Variants in HIBCH observed in about 807,000 individuals in gnomAD.
The protein encoded by HIBCH is 3-hydroxyisobutyryl-CoA hydrolase, mitochondrial.
HIBCH carries 50 observed loss-of-function variants against 58.2 expected under a neutral mutation model. The ratio of observed to expected loss-of-function variants is 0.86; its 90% confidence interval spans 0.68 to 1.09. HIBCH has a LOEUF of 1.09. Ranked by LOEUF, HIBCH falls within the 50% of genes least tolerant of loss-of-function variation. The pLI is 0.00. For synonymous variants in HIBCH, 151 were observed against 146.9 expected, an observed-to-expected ratio of 1.03 and a Z score of -0.20; for missense variants, 450 against 449.7, an observed-to-expected ratio of 1.00 and a Z score of -0.01.
rs189322802 is a variant in HIBCH at position 190,223,685 on chromosome 2, G to A, written c.892-10610C>T. 3.8e-3 allele frequency among the ~76,000 whole-genome samples: 572 copies of A among 152,350 alleles called. 1 individual carries two copies. The highest frequency in any genetic ancestry group is 0.013 in the African/African-American group (536 of 41,582). On this transcript the variant is annotated intron_variant, in intron 11 of 13. Transcript: ENST00000359678. ...GAATGAGAGCATGGAAAGGGCTATTGCCCTTGGCAAGGAAGTGAGGAACAT... is the reference window on the plus strand; with the variant it reads ...GAATGAGAGCATGGAAAGGGCTATTACCCTTGGCAAGGAAGTGAGGAACAT...
At chr2:190,208,691 T>C in intron 13 of HIBCH, 189 bp downstream of exon 13, 1 of 593,976 alleles carries the variant, frequency 1.7e-6, no homozygotes. Context: ...TTTTCAGATT[T>C]TGGAATATTT....
chr2:190,285,404 C>CT (rs1477606262), intron 6 of HIBCH, among the ~76,000 whole-genome samples: 3 of 152,120 alleles, frequency 2.0e-5, no homozygotes, highest in Non-Finnish European at 4.4e-5. Flanking sequence ...CTCTGCAGTA[C>CT]TTTTTTCAGA....
chr2:190,295,630 G>T (rs1688085092), intron 3 of HIBCH, among the ~76,000 whole-genome samples: 1 of 152,226 alleles, frequency 6.6e-6, no homozygotes, highest in Non-Finnish European at 1.5e-5. Flanking sequence ...AGACGTGATT[G>T]TCCAAAAGGT....
At position 190,214,279 on chromosome 2, in the gene HIBCH, G is replaced by A. The variant is rs1412325302; in HGVS notation, c.892-1204C>T. ...CTGCCTTGGTATTGGGGCATTTTCA[G>A]AGAACCCGGAGTGTGCAAGAAACCT... On this transcript the variant is annotated intron_variant, in intron 11 of 13. Transcript: ENST00000359678. This position sits in a 1 kb window ranked among gnomAD's most constrained non-coding sequence, Gnocchi z 5.5. 6.6e-6 allele frequency: 1 copy of A among 152,206 alleles called. No individual in the cohort carries two copies. The highest frequency in any genetic ancestry group is 1.5e-5 in the Non-Finnish European group (1 of 68,058). 9.4% of individuals were successfully genotyped at this position (152,206 alleles called of 1,614,324 possible).
chr2:190,200,235 T>C (rs1690187355), downstream of HIBCH: 1 of 1,050,168 alleles, frequency 9.5e-7, no homozygotes. Flanking sequence ...AAAGTACAAA[T>C]AACTATCTGG....
chr2:190,223,308 C>T lies in HIBCH; in HGVS notation c.892-10233G>A, dbSNP rs370615049. Among the ~76,000 whole-genome samples, 3 of 152,170 alleles carry T rather than the reference C, an allele frequency of 2.0e-5. No individual in the cohort carries two copies. The East Asian group carries it at 5.8e-4, about 29-fold the overall frequency. On this transcript the variant is annotated intron_variant, in intron 11 of 13. Transcript: ENST00000359678. The stretch of plus-strand genomic sequence containing the variant: ...AGAGACAGGGTCTTGCTATGTTGCC[C>T]AGGCTGGCCTCAAACTCCAGGGCTC...
At position 190,252,049 on chromosome 2, in the gene HIBCH, C is replaced by G. The variant is rs1686788192; in HGVS notation, c.663+113G>C. The G allele has an allele frequency of 2.3e-5, 22 of 968,328 alleles. No individual in the cohort carries two copies. The South Asian group carries it at 3.0e-4, about 13-fold the overall frequency. The allele number at this position is 968,328 out of a possible 1,614,324, so 60.0% of individuals were successfully genotyped here. Reference sequence around the variant, plus strand: ...GCTATAAACTAATAGGTCCAGGATTCACACCACGATTTCACCAGAAGTCTG... The same window carrying G: ...GCTATAAACTAATAGGTCCAGGATTGACACCACGATTTCACCAGAAGTCTG... On this transcript the variant is annotated intron_variant, in intron 8 of 13. Coordinates refer to ENST00000359678, the MANE Select transcript of HIBCH (RefSeq NM_014362.4).
chr2:190,285,605 T>C (rs560366292), intron 6 of HIBCH, among the ~76,000 whole-genome samples: 6 of 152,206 alleles, frequency 3.9e-5, no homozygotes, highest in African/African-American at 1.4e-4. Flanking sequence ...AATAGTTAAG[T>C]TCCTTAAAAC....
At chr2:190,278,851 T>A (rs1390335043) in intron 6 of HIBCH, among the ~76,000 whole-genome samples, 1 of 150,600 alleles carries the variant, frequency 6.6e-6, no homozygotes, top group South Asian at 2.1e-4. Flanking sequence ...GACTCCCAAA[T>A]AATTCTAAAG....
chr2:190,312,427 T>C (rs1159697731), intron 1 of HIBCH, among the ~76,000 whole-genome samples: 1 of 152,170 alleles, frequency 6.6e-6, no homozygotes, highest in African/African-American at 2.4e-5. Flanking sequence ...AGCAGCCTGA[T>C]AAGGGCTGTG....
intron 2 of HIBCH, among the ~76,000 whole-genome samples, chr2:190,305,673 G>A (rs1053780783): frequency 6.6e-6 from 1 of 152,136 alleles, no homozygotes; most frequent in African/African-American, 2.4e-5. Flanking sequence ...CACATTAGGG[G>A]AAACGGAAAC....
chr2:190,246,333 T>A, intron 9 of HIBCH, 121 bp from the exon 10 acceptor site: 1 of 650,764 alleles, frequency 1.5e-6, no homozygotes, highest in Non-Finnish European at 2.7e-6. Context: ...AAATTACATC[T>A]AACTGTCTCA....
downstream of HIBCH, chr2:190,201,238 TTC>T (rs1408016703): frequency 1.8e-5 from 3 of 167,028 alleles, no homozygotes; most frequent in Non-Finnish European, 2.9e-5. Context: ...AAGCTATTTT[TTC>T]TCTTTCATTT....
chr2:190,297,039 T>C, intron 2 of HIBCH, 86 bp from the exon 3 acceptor site: 1 of 1,226,108 alleles, frequency 8.2e-7, no homozygotes. Flanking sequence ...CAAATGCAAA[T>C]CTTGCATATT....
At chr2:190,310,915 T>A (rs1688539555) in intron 1 of HIBCH, 119 bp from the exon 2 acceptor site, 2 of 611,842 alleles carry the variant, frequency 3.3e-6, no homozygotes, top group African/African-American at 1.1e-4. Flanking sequence ...AACAAAAAGT[T>A]TTAAAAGGTT....
intron 1 of HIBCH, among the ~76,000 whole-genome samples, chr2:190,318,697 A>C (rs1688768944): frequency 6.6e-6 from 1 of 152,088 alleles, no homozygotes; most frequent in African/African-American, 2.4e-5. Context: ...TTGTTTCTCT[A>C]TTTGCTATTT....
chr2:190,296,417 C>T (rs890862900), intron 3 of HIBCH, among the ~76,000 whole-genome samples: 6 of 85,726 alleles, frequency 7.0e-5, no homozygotes, highest in East Asian at 5.4e-4. Flanking sequence ...GAGACTCCTC[C>T]GTCTCAAAAA....
chr2:190,205,142 A>G lies in HIBCH; in HGVS notation c.1136T>C (p.Leu379Ser). 1.9e-6 allele frequency: 3 copies of G among 1,605,806 alleles called. No homozygotes were observed. The change falls in exon 14 of 14, where the codon TTG (leucine) becomes TCG (serine). Residue 379 changes from leucine to serine, a missense_variant. Coordinates refer to ENST00000359678, the MANE Select transcript of HIBCH (RefSeq NM_014362.4). ...TCAAAATTTCAAATCACTGCTTCCCAAAGACTTAAAGTGATTATTCAAATC... is the reference window on the plus strand; with the variant it reads ...TCAAAATTTCAAATCACTGCTTCCCGAAGACTTAAAGTGATTATTCAAATC... ...EEDLNNHFKS[L>S]GSSDLKF
At chr2:190,201,341 GA>G (rs1339272792), downstream of HIBCH, 1 of 166,904 alleles carries the variant, frequency 6.0e-6, no homozygotes, top group Non-Finnish European at 1.5e-5. Flanking sequence ...TTGGGAGGGA[GA>G]AGAAGAAATT....
Sources: gnomAD v4.1 joint callset for allele counts (sites outside exome capture counted in the v4.1 genomes callset) on GRCh38, gnomAD v4.1.1 for gene constraint, Gnocchi (gnomAD v3.1) non-coding constraint, MANE v1.5 for transcripts, NCBI Gene and HGNC (gene_info 2026-07-23, HGNC 2026-07-21) for gene names.